The following SAP25 variants were observed in gnomAD, a reference collection of about 807,000 sequenced individuals.
SAP25 encodes histone deacetylase complex subunit SAP25.
A neutral mutation model predicts 31.5 loss-of-function variants in SAP25; 24 were observed. The observed-to-expected ratio is 0.76, with a 90% CI of 0.55 to 1.07. The LOEUF (loss-of-function observed/expected upper bound fraction) is 1.07. Among genes scored for constraint, SAP25 ranks in the 50% least tolerant of loss-of-function variants. The pLI, the probability that SAP25 is intolerant of heterozygous loss-of-function variation, is 0.00. For synonymous variants in SAP25, 180 were observed against 186.0 expected (o/e 0.97, Z 0.26); for missense variants, 377 against 418.8 (o/e 0.90, Z 0.87).
chr7:100,573,034 C>A, intron 3 of SAP25, 21 bp from the exon 4 acceptor site: 2 of 1,496,264 alleles, frequency 1.3e-6, no homozygotes, highest in Non-Finnish European at 8.9e-7. Context: ...GAGGACAGAG[C>A]ACTGGAGCCT....
Position 100,573,674 on chromosome 7 carries a change from C to T in SAP25, c.69G>A (p.Pro23=), listed in dbSNP as rs1304104065. Residue 23 remains proline (P), a synonymous_variant, in exon 1 of 6, where the codon CCG becomes CCA. Transcript: ENST00000622764. ...PEEAPEGPGL[P]AGKDQGEPWS... ...AGGGCTCGCCCTGGTCCTTGCCCGC[C>T]GGAAGGCCTGGTCCCTCGGGCGCCT... 3 of 1,230,654 alleles carry T rather than the reference C, an allele frequency of 2.4e-6. No homozygotes were observed. Among genetic ancestry groups the T allele is most frequent in the African/African-American group, 3.1e-5 (2 of 64,428 alleles). 76.2% of individuals were successfully genotyped at this position (1,230,654 alleles called of 1,614,324 possible).
chr7:100,572,741 C>T lies in SAP25; in HGVS notation c.522G>A (p.Val174=), dbSNP rs2131138699. The part of the protein sequence containing the change: ...QQAPPDAGFP[V]VCCEDVFLSD... ...AGAGGAAGACATCTTCACAGCACAC[C>T]ACCGGGAACCCTAGGAGGAAACACC... The change falls in exon 5 of 6, where the codon GTG becomes GTA. Residue 174 remains valine (V), a synonymous_variant. Transcript: ENST00000622764. The surrounding 1 kb of genome is among the most constrained non-coding windows in gnomAD (Gnocchi z 4.1). The T allele has an allele frequency of 6.5e-7, 1 of 1,533,810 alleles. No homozygotes were observed. The highest frequency in any genetic ancestry group is 1.2e-5 in the South Asian group (1 of 84,000).
chr7:100,572,772 G>C lies in SAP25; in HGVS notation c.512-21C>G. On this transcript the variant is annotated intron_variant, in intron 4 of 5. Coordinates refer to ENST00000622764, the MANE Select transcript of SAP25 (RefSeq NM_001348680.2). The surrounding 1 kb of genome is among the most constrained non-coding windows in gnomAD (Gnocchi z 4.1). ...GAACCCTAGGAGGAAACACCACTAG[G>C]GTGGCGGGCTGCGGGCTCCCACCCC... The C allele has an allele frequency of 6.6e-7, 1 of 1,523,160 alleles. No individual in the cohort carries two copies. The highest frequency in any genetic ancestry group is 1.2e-5 in the South Asian group (1 of 83,486). The allele number at this position is 1,523,160 out of a possible 1,614,324, so 94.4% of individuals were successfully genotyped here.
In SAP25 at chr7:100,572,924, C is replaced by T. The variant is rs1237438219; in HGVS notation, c.447G>A (p.Arg149=). The part of the protein sequence containing the change: ...FWPLYEAASG[R]GLRPVAPATG... Reference sequence around the variant, plus strand: ...TGGCAGGGGCCACGGGCCTGAGACCCCTGCCCGAGGCTGCTTCATACAGCG... The same window carrying T: ...TGGCAGGGGCCACGGGCCTGAGACCTCTGCCCGAGGCTGCTTCATACAGCG... Residue 149 remains arginine (R), a synonymous_variant, in exon 4 of 6, where the codon AGG becomes AGA. Transcript: ENST00000622764. This position sits in a 1 kb window ranked among gnomAD's most constrained non-coding sequence, Gnocchi z 4.1. The T allele has an allele frequency of 6.7e-7, 1 of 1,490,150 alleles. No homozygotes were observed. Among genetic ancestry groups the T allele is most frequent in the Admixed American group, 2.3e-5 (1 of 43,266 alleles). 92.3% of individuals were successfully genotyped at this position (1,490,150 alleles called of 1,614,324 possible). A position where few individuals can be genotyped will look rare whatever the true frequency, so the allele number is the denominator to read the frequency against.
At position 100,573,774 on chromosome 7, in the gene SAP25, G is replaced by A. The variant is rs1801233386; in HGVS notation, c.-32C>T. The A allele has an allele frequency of 8.4e-7, 1 of 1,191,386 alleles. No individual in the cohort carries two copies. Among genetic ancestry groups the A allele is most frequent in the Middle Eastern group, 3.4e-4 (1 of 2,974 alleles). 73.8% of individuals were successfully genotyped at this position (1,191,386 alleles called of 1,614,324 possible). Reference sequence around the variant, plus strand: ...TTCCCGAGCGCAGGACGGTACCGCCGTGTCCCCGCCGCCCGGCCCGGCCCT... The same window carrying A: ...TTCCCGAGCGCAGGACGGTACCGCCATGTCCCCGCCGCCCGGCCCGGCCCT... On this transcript the variant is annotated 5_prime_UTR_variant, in exon 1 of 6. In the 5' UTR this introduces an upstream ATG that the reference lacks. Coordinates refer to ENST00000622764, the MANE Select transcript of SAP25 (RefSeq NM_001348680.2).
chr7:100,572,855 G>T lies in SAP25; in HGVS notation c.511+5C>A, dbSNP rs1286171843. 5.4e-6 allele frequency: 8 copies of T among 1,468,114 alleles called. No homozygotes were observed. The highest frequency in any genetic ancestry group is 6.3e-6 in the Non-Finnish European group (7 of 1,114,688). 90.9% of individuals were successfully genotyped at this position (1,468,114 alleles called of 1,614,324 possible). A position where few individuals can be genotyped will look rare whatever the true frequency, so the allele number is the denominator to read the frequency against. ...CTTGCGCCCCCGGGGGACCAAGGGA[G>T]GTACCTGCATCTGGGGGCGCCTGCT... On this transcript the variant is annotated splice_donor_5th_base_variant and intron_variant, in intron 4 of 5. Coordinates refer to ENST00000622764, the MANE Select transcript of SAP25 (RefSeq NM_001348680.2). The surrounding 1 kb of genome is among the most constrained non-coding windows in gnomAD (Gnocchi z 4.1).
At chr7:100,573,061 T>G (rs756906672) in intron 3 of SAP25, 45 bp downstream of exon 3, 1 of 1,514,962 alleles carries the variant, frequency 6.6e-7, no homozygotes. Context: ...ACCGCACAGC[T>G]CCCTGAGCAC....
chr7:100,573,567 T>TC, intron 1 of SAP25, 30 bp downstream of exon 1: 1 of 1,232,972 alleles, frequency 8.1e-7, no homozygotes, highest in Non-Finnish European at 1.0e-6. Context: ...CCAGTCGCTG[T>TC]CCCCCCACGG....
At position 100,572,846 on chromosome 7, in the gene SAP25, A is replaced by G; in HGVS notation, c.511+14T>C. On this transcript the variant is annotated intron_variant, in intron 4 of 5. Transcript: ENST00000622764. The surrounding 1 kb of genome is among the most constrained non-coding windows in gnomAD (Gnocchi z 4.1). ...TGGGGCAGCCTTGCGCCCCCGGGGG[A>G]CCAAGGGAGGTACCTGCATCTGGGG... 6.8e-7 allele frequency: 1 copy of G among 1,472,080 alleles called. No individual in the cohort carries two copies. Among genetic ancestry groups the G allele is most frequent in the Non-Finnish European group, 9.0e-7 (1 of 1,116,814 alleles). 91.2% of individuals were successfully genotyped at this position (1,472,080 alleles called of 1,614,324 possible). A position where few individuals can be genotyped will look rare whatever the true frequency, so the allele number is the denominator to read the frequency against.
Position 100,572,384 on chromosome 7 carries a change from T to G in SAP25, c.797A>C (p.Asp266Ala). 7.1e-7 allele frequency: 1 copy of G among 1,403,318 alleles called. No individual in the cohort carries two copies. The highest frequency in any genetic ancestry group is 1.6e-5 in the South Asian group (1 of 62,488). 86.9% of individuals were successfully genotyped at this position (1,403,318 alleles called of 1,614,324 possible). A position where few individuals can be genotyped will look rare whatever the true frequency, so the allele number is the denominator to read the frequency against. The change falls in exon 6 of 6, where the codon GAC (aspartate) becomes GCC (alanine). Residue 266 changes from aspartate (D) to alanine (A), a missense_variant. Coordinates refer to ENST00000622764, the MANE Select transcript of SAP25 (RefSeq NM_001348680.2). This position sits in a 1 kb window ranked among gnomAD's most constrained non-coding sequence, Gnocchi z 4.1. The stretch of plus-strand genomic sequence containing the variant: ...GGGGCTGGGTGGGTCAGAGGTATGG[T>G]CTGGGGGGCCAACCGCGGAGGAGCT... ...RPSSSAVGPP[D>A]HTSDPPSPCG...
At position 100,572,738 on chromosome 7, in the gene SAP25, C is replaced by T; in HGVS notation, c.525G>A (p.Val175=). 6.5e-7 allele frequency: 1 copy of T among 1,535,074 alleles called. No individual in the cohort carries two copies. Among genetic ancestry groups the T allele is most frequent in the South Asian group, 1.2e-5 (1 of 84,020 alleles). Residue 175 remains valine (V), a synonymous_variant, in exon 5 of 6, where the codon GTG becomes GTA. Coordinates refer to ENST00000622764, the MANE Select transcript of SAP25 (RefSeq NM_001348680.2). The surrounding 1 kb of genome is among the most constrained non-coding windows in gnomAD (Gnocchi z 4.1). ...QAPPDAGFPV[V]CCEDVFLSDP... is the part of the protein sequence containing the mutation. ...CCGAGAGGAAGACATCTTCACAGCA[C>T]ACCACCGGGAACCCTAGGAGGAAAC...
At position 100,573,763 on chromosome 7, in the gene SAP25, AC is replaced by A. The variant is rs1345307949; in HGVS notation, c.-22del. The stretch of plus-strand genomic sequence containing the variant: ...AACATTCCGCGTTCCCGAGCGCAGG[AC>A]GGTACCGCCGTGTCCCCGCCGCCCG... On this transcript the variant is annotated 5_prime_UTR_variant, in exon 1 of 6. Coordinates refer to ENST00000622764, the MANE Select transcript of SAP25 (RefSeq NM_001348680.2). The A allele has an allele frequency of 8.3e-7, 1 of 1,203,484 alleles. No individual in the cohort carries two copies. The highest frequency in any genetic ancestry group is 1.0e-6 in the Non-Finnish European group (1 of 970,064). 74.6% of individuals were successfully genotyped at this position (1,203,484 alleles called of 1,614,324 possible). A position where few individuals can be genotyped will look rare whatever the true frequency, so the allele number is the denominator to read the frequency against.
In SAP25 at chr7:100,573,585, C is replaced by T. The variant is rs1468757405; in HGVS notation, c.146+12G>A. ...GTCGCTGTCCCCCCACGGCTCCGTC[C>T]GAGCCCCTCACCTGTCCCATGGGGG... On this transcript the variant is annotated intron_variant, in intron 1 of 5. Coordinates refer to ENST00000622764, the MANE Select transcript of SAP25 (RefSeq NM_001348680.2). 3.2e-6 allele frequency: 4 copies of T among 1,233,628 alleles called. No individual in the cohort carries two copies. The highest frequency in any genetic ancestry group is 4.0e-6 in the Non-Finnish European group (4 of 989,084). 76.4% of individuals were successfully genotyped at this position (1,233,628 alleles called of 1,614,324 possible).
At chr7:100,573,566 G>C in intron 1 of SAP25, 31 bp downstream of exon 1, 1 of 1,234,140 alleles carries the variant, frequency 8.1e-7, no homozygotes, top group Non-Finnish European at 1.0e-6. Context: ...CCCAGTCGCT[G>C]TCCCCCCACG....
In SAP25 at chr7:100,572,740, C is replaced by A. The variant is rs777260933; in HGVS notation, c.523G>T (p.Val175Leu). The A allele has an allele frequency of 3.9e-6, 6 of 1,533,824 alleles. No individual in the cohort carries two copies. Among genetic ancestry groups the A allele is most frequent in the Non-Finnish European group, 5.2e-6 (6 of 1,145,774 alleles). The change falls in exon 5 of 6, where the codon GTG becomes TTG. Residue 175 changes from valine to leucine, a missense_variant. Physicochemically the swap from Val to Leu is conservative, Grantham distance 32 (BLOSUM62 1). Coordinates refer to ENST00000622764, the MANE Select transcript of SAP25 (RefSeq NM_001348680.2). The surrounding 1 kb of genome is among the most constrained non-coding windows in gnomAD (Gnocchi z 4.1). ...GAGAGGAAGACATCTTCACAGCACACCACCGGGAACCCTAGGAGGAAACAC... is the reference window on the plus strand; with the variant it reads ...GAGAGGAAGACATCTTCACAGCACAACACCGGGAACCCTAGGAGGAAACAC... ...QAPPDAGFPV[V>L]CCEDVFLSDP...
chr7:100,572,934 G>C lies in SAP25; in HGVS notation c.437C>G (p.Ala146Gly), dbSNP rs945488809. The change falls in exon 4 of 6, where the codon GCC becomes GGC. Residue 146 changes from alanine (A) to glycine (G), a missense_variant. Coordinates refer to ENST00000622764, the MANE Select transcript of SAP25 (RefSeq NM_001348680.2). The surrounding 1 kb of genome is among the most constrained non-coding windows in gnomAD (Gnocchi z 4.1). ...CACGGGCCTGAGACCCCTGCCCGAG[G>C]CTGCTTCATACAGCGGCCAGAATGA... ...HPSFWPLYEA[A>G]SGRGLRPVAP... 6.7e-7 allele frequency: 1 copy of C among 1,500,942 alleles called. No individual in the cohort carries two copies. Among genetic ancestry groups the C allele is most frequent in the Admixed American group, 2.2e-5 (1 of 45,318 alleles). 93.0% of individuals were successfully genotyped at this position (1,500,942 alleles called of 1,614,324 possible).
Position 100,573,521 on chromosome 7 carries a change from G to A in SAP25, c.146+76C>T, listed in dbSNP as rs918252056. 65 of 1,223,884 alleles carry A rather than the reference G, an allele frequency of 5.3e-5. No homozygotes were observed. In the Admixed American group the frequency reaches 1.7e-3, roughly 32 times the overall value. 75.8% of individuals were successfully genotyped at this position (1,223,884 alleles called of 1,614,324 possible). Reference sequence around the variant, plus strand: ...AATCTCCAGCAGGGACAATGGAGAAGCCTCCGTAGAGCGCGTGGTGAAGGC... The same window carrying A: ...AATCTCCAGCAGGGACAATGGAGAAACCTCCGTAGAGCGCGTGGTGAAGGC... On this transcript the variant is annotated intron_variant, in intron 1 of 5. Transcript: ENST00000622764.
At position 100,572,736 on chromosome 7, in the gene SAP25, C is replaced by T; in HGVS notation, c.527G>A (p.Cys176Tyr). The part of the protein sequence containing the change: ...APPDAGFPVV[C>Y]CEDVFLSDPL... Reference sequence around the variant, plus strand: ...GTCCGAGAGGAAGACATCTTCACAGCACACCACCGGGAACCCTAGGAGGAA... The same window carrying T: ...GTCCGAGAGGAAGACATCTTCACAGTACACCACCGGGAACCCTAGGAGGAA... The change falls in exon 5 of 6, where the codon TGC becomes TAC. Residue 176 changes from cysteine (C) to tyrosine (Y), a missense_variant. Coordinates refer to ENST00000622764, the MANE Select transcript of SAP25 (RefSeq NM_001348680.2). This position sits in a 1 kb window ranked among gnomAD's most constrained non-coding sequence, Gnocchi z 4.1. The T allele has an allele frequency of 2.0e-6, 3 of 1,535,370 alleles. No individual in the cohort carries two copies. The highest frequency in any genetic ancestry group is 2.4e-5 in the South Asian group (2 of 84,030).
At position 100,573,388 on chromosome 7, in the gene SAP25, T is replaced by TGGGGGCTGTGGGCTGGAGGGGC; in HGVS notation, c.147-10_158dup (p.Ser54ProfsTer10). 1 of 1,349,614 alleles carries TGGGGGCTGTGGGCTGGAGGGGC rather than the reference T, an allele frequency of 7.4e-7. No individual in the cohort carries two copies. The highest frequency in any genetic ancestry group is 9.5e-7 in the Non-Finnish European group (1 of 1,048,052). The allele number at this position is 1,349,614 out of a possible 1,614,324, so 83.6% of individuals were successfully genotyped here. ...TCCAGATCCAGGAAGGGCTACGGGA[T>TGGGGGCTGTGGGCTGGAGGGGC]GGGGGCTGTGGGCTGGAGGGGCAGG... On this transcript the variant is annotated frameshift_variant, in exon 2 of 6. Transcript: ENST00000622764. LOFTEE classifies it high-confidence loss of function.
Sources: gnomAD v4.1 joint callset for allele counts on GRCh38, gnomAD v4.1.1 for gene constraint, Gnocchi (gnomAD v3.1) non-coding constraint, MANE v1.5 for transcripts, NCBI Gene and HGNC (gene_info 2026-07-23, HGNC 2026-07-21) for gene names.